ADAMTS3: variants seen among roughly 807,000 people sequenced by gnomAD.
ADAMTS3 encodes A disintegrin and metalloproteinase with thrombospondin motifs 3.
Under a neutral mutation model 129.0 loss-of-function variants are expected in ADAMTS3, and 73 were observed. The observed-to-expected ratio is 0.57, with a 90% CI of 0.47 to 0.69. The LOEUF is 0.69. Ranked by LOEUF, ADAMTS3 falls within the 30% of genes least tolerant of loss-of-function variation. The pLI is 0.00. For synonymous variants in ADAMTS3, 477 were observed against 510.8 expected (o/e 0.93, Z 0.89); for missense variants, 1,457 against 1,514.5 (o/e 0.96, Z 0.63).
At chr4:72,512,896 T>C (rs1036551960) in intron 3 of ADAMTS3, among the ~76,000 whole-genome samples, 1 of 152,158 alleles carries the variant, frequency 6.6e-6, no homozygotes, top group Non-Finnish European at 1.5e-5. Flanking sequence ...AAAAAGTGGG[T>C]ATTCTTTTCA....
In ADAMTS3 at chr4:72,490,211, T is replaced by A. The variant is rs145084097; in HGVS notation, c.504+58267A>T. 5.7e-3 allele frequency among the ~76,000 whole-genome samples: 871 copies of A among 152,106 alleles called. 2 individuals carry two copies. Among genetic ancestry groups the A allele is most frequent in the African/African-American group, 0.02 (826 of 41,548 alleles). On this transcript the variant is annotated intron_variant, in intron 3 of 21. Transcript: ENST00000286657. ...TGCCCATTTTTCAAATAGATTGTTT[T>A]GATGCTATTGAGTTGTTGAGTTCTT...
In ADAMTS3 at chr4:72,304,012, A is replaced by G. The variant is rs773890590; in HGVS notation, c.2329T>C (p.Phe777Leu). 4 of 1,613,668 alleles carry G rather than the reference A, an allele frequency of 2.5e-6. No homozygotes were observed. The highest frequency in any genetic ancestry group is 2.2e-5 in the East Asian group (1 of 44,868). Reference sequence around the variant, plus strand: ...TCCCACTCCACACCAAGATCTATGAAGGTCCGCGACTTGGCTTCCTCCCCT... The same window carrying G: ...TCCCACTCCACACCAAGATCTATGAGGGTCCGCGACTTGGCTTCCTCCCCT... ...GKGEEAKSRTFIDLGVEWDYN... is the reference protein window; with the variant it reads ...GKGEEAKSRTLIDLGVEWDYN... Residue 777 changes from phenylalanine to leucine, a missense_variant, in exon 17 of 22, where the codon TTC becomes CTC. By Grantham distance (22) the Phe-to-Leu change is conservative. Transcript: ENST00000286657.
chr4:72,475,390 C>A (rs1719201812), intron 3 of ADAMTS3, among the ~76,000 whole-genome samples: 1 of 151,460 alleles, frequency 6.6e-6, no homozygotes. Flanking sequence ...GACTTCAGAG[C>A]AAAAACATAT....
chr4:72,503,592 T>A (rs909008228), intron 3 of ADAMTS3, among the ~76,000 whole-genome samples: 1 of 152,196 alleles, frequency 6.6e-6, no homozygotes, highest in Admixed American at 6.6e-5. Context: ...ATGGGTAAAG[T>A]ATTCAGTAGA....
chr4:72,512,992 T>C (rs758373256), intron 3 of ADAMTS3, among the ~76,000 whole-genome samples: 1 of 152,140 alleles, frequency 6.6e-6, no homozygotes, highest in Non-Finnish European at 1.5e-5. Context: ...CAAGACATCA[T>C]ACTTCAGCTC....
At chr4:72,384,115 A>G (rs1010903226) in intron 4 of ADAMTS3, among the ~76,000 whole-genome samples, 8 of 152,124 alleles carry the variant, frequency 5.3e-5, no homozygotes, top group African/African-American at 1.9e-4. Flanking sequence ...GAAAATATCC[A>G]AAAAGAAGAA....
intron 3 of ADAMTS3, among the ~76,000 whole-genome samples, chr4:72,514,394 G>A (rs1352158519): frequency 6.6e-6 from 1 of 152,112 alleles, no homozygotes; most frequent in Non-Finnish European, 1.5e-5. Context: ...ATCTATTGAG[G>A]GTGGGAGTAT....
chr4:72,476,746 T>TAACAAAATATTGCA (rs1719245624), intron 3 of ADAMTS3, among the ~76,000 whole-genome samples: 1 of 151,934 alleles, frequency 6.6e-6, no homozygotes, highest in East Asian at 1.9e-4. Flanking sequence ...AAAAAATCAT[T>TAACAAAATATTGCA]AACAAAATAT....
intron 4 of ADAMTS3, among the ~76,000 whole-genome samples, chr4:72,393,606 T>C (rs894240174): frequency 6.6e-6 from 1 of 152,196 alleles, no homozygotes; most frequent in African/African-American, 2.4e-5. Flanking sequence ...TCTTGTTACC[T>C]TCAAACGTAA....
At chr4:72,431,556 A>C (rs1036160109) in intron 3 of ADAMTS3, among the ~76,000 whole-genome samples, 1 of 152,036 alleles carries the variant, frequency 6.6e-6, no homozygotes, top group Non-Finnish European at 1.5e-5. Context: ...ATAATATTGT[A>C]CAAAATTACC....
chr4:72,358,218 T>C (rs1720631255), intron 4 of ADAMTS3, among the ~76,000 whole-genome samples: 1 of 152,008 alleles, frequency 6.6e-6, no homozygotes, highest in African/African-American at 2.4e-5. Context: ...AAACTACTTT[T>C]ATATTTATGT....
At chr4:72,324,402 C>T (rs986700141) in intron 5 of ADAMTS3, among the ~76,000 whole-genome samples, 1 of 151,844 alleles carries the variant, frequency 6.6e-6, no homozygotes, top group African/African-American at 2.4e-5. Flanking sequence ...TGAAAGCATA[C>T]TTACTGAATT....
At chr4:72,534,775 T>G (rs1721145420) in intron 3 of ADAMTS3, among the ~76,000 whole-genome samples, 1 of 152,180 alleles carries the variant, frequency 6.6e-6, no homozygotes, top group South Asian at 2.1e-4. Context: ...TCAAACATTC[T>G]CATAGATGAA....
chr4:72,497,082 G>T (rs879308338), intron 3 of ADAMTS3, among the ~76,000 whole-genome samples: 1 of 151,950 alleles, frequency 6.6e-6, no homozygotes, highest in Admixed American at 6.6e-5. Flanking sequence ...TGTGTAAAGG[G>T]AAGTTATCAG....
chr4:72,348,455 T>C (rs973510167), intron 4 of ADAMTS3, among the ~76,000 whole-genome samples: 1 of 152,050 alleles, frequency 6.6e-6, no homozygotes, highest in Non-Finnish European at 1.5e-5. Flanking sequence ...GGTTGTATGA[T>C]ATAATACAAA....
intron 3 of ADAMTS3, among the ~76,000 whole-genome samples, chr4:72,537,525 G>A (rs1326454398): frequency 1.3e-5 from 2 of 152,104 alleles, no homozygotes; most frequent in Middle Eastern, 3.2e-3. Context: ...GAAAGGCACA[G>A]GCTCAGAAAA....
intron 4 of ADAMTS3, among the ~76,000 whole-genome samples, chr4:72,354,998 A>G (rs1720542220): frequency 6.6e-6 from 1 of 151,908 alleles, no homozygotes; most frequent in African/African-American, 2.4e-5. Flanking sequence ...TGGTATTGCA[A>G]ATTTCCTTCC....
At chr4:72,519,424 G>A (rs1276335164) in intron 3 of ADAMTS3, among the ~76,000 whole-genome samples, 4 of 152,178 alleles carry the variant, frequency 2.6e-5, no homozygotes, top group Non-Finnish European at 5.9e-5. Context: ...ATAATATCCT[G>A]CAGAGTGTTT....
intron 4 of ADAMTS3, among the ~76,000 whole-genome samples, chr4:72,397,818 A>G (rs1321994466): frequency 2.6e-5 from 4 of 152,140 alleles, no homozygotes; most frequent in Non-Finnish European, 5.9e-5. Flanking sequence ...CAGAGCTGTG[A>G]TTTGAACACA....
Sources: allele counts gnomAD v4.1 joint callset (sites outside exome capture counted in the v4.1 genomes callset), GRCh38; gene constraint gnomAD v4.1.1; transcripts MANE v1.5; gene names NCBI Gene and HGNC (gene_info 2026-07-23, HGNC 2026-07-21).